The following ZNF484 variants were observed in gnomAD, a reference collection of about 807,000 sequenced individuals.
ZNF484 encodes KRAB box containing C2H2 type zinc finger bA526D8.4.
Under a neutral mutation model 12.9 loss-of-function variants are expected in ZNF484, and 11 were observed. That is an observed-to-expected ratio of 0.85 (90% CI 0.54 to 1.41). ZNF484 has a LOEUF of 1.41. ZNF484 is among the 40% of genes most tolerant of loss of function. The pLI is 0.00. For missense variants in ZNF484, 807 were observed against 1,007.7 expected (o/e 0.80, Z 2.70); for synonymous variants, 289 against 334.1 (o/e 0.86, Z 1.47).
intron 2 of ZNF484, among the ~76,000 whole-genome samples, chr9:92,870,838 C>G (rs1266128128): frequency 6.6e-6 from 1 of 152,112 alleles, no homozygotes; most frequent in African/African-American, 2.4e-5. Flanking sequence ...AACTGCCAAC[C>G]CCAACTAGCA....
intron 2 of ZNF484, among the ~76,000 whole-genome samples, chr9:92,856,881 C>G (rs749899718): frequency 2.0e-5 from 3 of 152,174 alleles, no homozygotes; most frequent in Non-Finnish European, 4.4e-5. Context: ...GCCACCACGC[C>G]CAGCTAATTT....
intron 2 of ZNF484, among the ~76,000 whole-genome samples, chr9:92,869,867 A>G (rs1857328323): frequency 6.6e-6 from 1 of 152,262 alleles, no homozygotes; most frequent in Non-Finnish European, 1.5e-5. Flanking sequence ...ACAAAGAACA[A>G]TTTGACTAAG....
intron 2 of ZNF484, among the ~76,000 whole-genome samples, chr9:92,861,390 A>G (rs1856772491): frequency 6.6e-6 from 1 of 152,216 alleles, no homozygotes; most frequent in South Asian, 2.1e-4. Flanking sequence ...AAGTGTTGCA[A>G]CAAGCAGCTG....
chr9:92,856,284 A>T lies in ZNF484; in HGVS notation c.50T>A (p.Phe17Tyr). The change falls in exon 3 of 5, where the codon TTC becomes TAC. Residue 17 changes from phenylalanine (F) to tyrosine (Y), a missense_variant. Transcript: ENST00000375495. ...TAATTGTTGCCACTCATCCCTACTGAAGTCTACAGTTACGTCCTTGAATGA... is the reference window on the plus strand; with the variant it reads ...TAATTGTTGCCACTCATCCCTACTGTAGTCTACAGTTACGTCCTTGAATGA... The part of the protein sequence containing the change: ...SVSFKDVTVD[F>Y]SRDEWQQLDL... 1 of 1,612,924 alleles carries T rather than the reference A, an allele frequency of 6.2e-7. No homozygotes were observed. Among genetic ancestry groups the T allele is most frequent in the Non-Finnish European group, 8.5e-7 (1 of 1,179,370 alleles).
rs140809115 is a variant in ZNF484, at chr9:92,846,352, G to C, written c.2435C>G (p.Ala812Gly). The C allele has an allele frequency of 2.1e-4, 347 of 1,614,110 alleles. 5 individuals carry two copies. In the East Asian group the frequency reaches 6.5e-3, roughly 30 times the overall value. The part of the protein sequence containing the change: ...KPYKCSDLGK[A>G]LNWKPQLSMP... ...ACTGAGTTGTGGCTTCCAGTTTAAG[G>C]CTTTCCCCAAGTCACTGCACTTATA... The change falls in exon 5 of 5, where the codon GCC becomes GGC. Residue 812 changes from alanine (A) to glycine (G), a missense_variant. Transcript: ENST00000375495.
intron 2 of ZNF484, among the ~76,000 whole-genome samples, chr9:92,861,610 T>C (rs1477928231): frequency 6.6e-6 from 1 of 152,064 alleles, no homozygotes; most frequent in East Asian, 1.9e-4. Context: ...AATTATCCAG[T>C]CTGAACAATA....
rs1209254083 is a variant in ZNF484 at position 92,848,925 on chromosome 9, ATAAAT to A, written c.236-379_236-375del. On this transcript the variant is annotated intron_variant, in intron 4 of 4. Transcript: ENST00000375495. The surrounding 1 kb of genome is among the most constrained non-coding windows in gnomAD (Gnocchi z 4.1). ...CTCTGTCTCCAAAATAAATAAATAA[ATAAAT>A]AAATAAATAAATAAATAAATAAATA... Among the ~76,000 whole-genome samples the A allele has an allele frequency of 6.7e-6, 1 of 149,360 alleles. No homozygotes were observed. Among genetic ancestry groups the A allele is most frequent in the Non-Finnish European group, 1.5e-5 (1 of 67,498 alleles).
At position 92,854,209 on chromosome 9, in the gene ZNF484, A is replaced by C. The variant is rs78559612; in HGVS notation, c.235+1602T>G. ...TTATTAGGGAAATACAAATTAAATA[A>C]TAATTAGAAATTAAAACCCATCAGA... On this transcript the variant is annotated intron_variant, in intron 4 of 4. Coordinates refer to ENST00000375495, the MANE Select transcript of ZNF484 (RefSeq NM_031486.4). Among the ~76,000 whole-genome samples, 1,394 of 152,338 alleles carry C rather than the reference A, an allele frequency of 9.2e-3. 15 individuals are homozygous for C. The highest frequency in any genetic ancestry group is 0.025 in the South Asian group (122 of 4,824).
intron 2 of ZNF484, among the ~76,000 whole-genome samples, chr9:92,864,054 G>C (rs763228818): frequency 1.3e-5 from 2 of 152,162 alleles, no homozygotes; most frequent in African/African-American, 2.4e-5. Flanking sequence ...TGAATGCCAA[G>C]ATGGATGAAA....
At chr9:92,863,213 C>A (rs960453935) in intron 2 of ZNF484, among the ~76,000 whole-genome samples, 1 of 142,600 alleles carries the variant, frequency 7.0e-6, no homozygotes, top group Non-Finnish European at 1.5e-5. Flanking sequence ...GGGAGCTGAA[C>A]AATGTGAACA....
rs1289087957 is a variant in ZNF484 at position 92,848,921 on chromosome 9, A to G, written c.236-370T>C. On this transcript the variant is annotated intron_variant, in intron 4 of 4. Coordinates refer to ENST00000375495, the MANE Select transcript of ZNF484 (RefSeq NM_031486.4). The surrounding 1 kb of genome is among the most constrained non-coding windows in gnomAD (Gnocchi z 4.1). ...AAGACTCTGTCTCCAAAATAAATAA[A>G]TAAATAAATAAATAAATAAATAAAT... Among the ~76,000 whole-genome samples the G allele has an allele frequency of 6.8e-6, 1 of 147,956 alleles. No homozygotes were observed. Among genetic ancestry groups the G allele is most frequent in the African/African-American group, 2.5e-5 (1 of 39,330 alleles).
chr9:92,868,120 CT>C (rs1166605741), intron 2 of ZNF484, among the ~76,000 whole-genome samples: 8 of 152,182 alleles, frequency 5.3e-5, no homozygotes, highest in South Asian at 2.1e-4. Context: ...AAAATAGGTC[CT>C]GCTGGGCTGC....
chr9:92,860,758 GC>G (rs1217638761), intron 2 of ZNF484, among the ~76,000 whole-genome samples: 6 of 152,176 alleles, frequency 3.9e-5, no homozygotes, highest in Admixed American at 3.3e-4. Context: ...AACTGCATTA[GC>G]TCAAAGAGAG....
chr9:92,846,419 T>G lies in ZNF484; in HGVS notation c.2368A>C (p.Asn790His). ...TGAATTTTCTGGTGTTTAATAAGAT[T>G]TGATCTGATGGTGAAGGCCTTTCCA... ...ECGKAFTIRS[N>H]LIKHQKIHTK... is the part of the protein sequence containing the mutation. Residue 790 changes from asparagine (N) to histidine (H), a missense_variant, in exon 5 of 5, where the codon AAT (asparagine) becomes CAT (histidine). By Grantham distance (68) the Asn-to-His change is moderately conservative. Coordinates refer to ENST00000375495, the MANE Select transcript of ZNF484 (RefSeq NM_031486.4). The G allele has an allele frequency of 6.2e-7, 1 of 1,614,146 alleles. No individual in the cohort carries two copies. Among genetic ancestry groups the G allele is most frequent in the Non-Finnish European group, 8.5e-7 (1 of 1,180,004 alleles).
At chr9:92,853,301 G>A (rs1856222297) in intron 4 of ZNF484, among the ~76,000 whole-genome samples, 1 of 152,214 alleles carries the variant, frequency 6.6e-6, no homozygotes, top group South Asian at 2.1e-4. Context: ...TATCTGAGAA[G>A]ATGGATTAGA....
In ZNF484 at chr9:92,847,039, G is replaced by A; in HGVS notation, c.1748C>T (p.Thr583Ile). Reference sequence around the variant, plus strand: ...GTGGAAGAAGGCCTTACCACATTCAGTGCAAACATATGGTTTTTCCCCTCT... The same window carrying A: ...GTGGAAGAAGGCCTTACCACATTCAATGCAAACATATGGTTTTTCCCCTCT... ...IHRGEKPYVCTECGKAFFHKS... is the reference protein window; with the variant it reads ...IHRGEKPYVCIECGKAFFHKS... Residue 583 changes from threonine to isoleucine, a missense_variant, in exon 5 of 5, where the codon ACT becomes ATT. By Grantham distance (89) the Thr-to-Ile change is moderately conservative. Coordinates refer to ENST00000375495, the MANE Select transcript of ZNF484 (RefSeq NM_031486.4). 6.2e-7 allele frequency: 1 copy of A among 1,613,942 alleles called. No homozygotes were observed. Among genetic ancestry groups the A allele is most frequent in the Non-Finnish European group, 8.5e-7 (1 of 1,179,964 alleles).
At position 92,848,224 on chromosome 9, in the gene ZNF484, A is replaced by G. The variant is rs748168763; in HGVS notation, c.563T>C (p.Ile188Thr). ...CNSCGKNLEP[I>T]ITLYNRNNAT... Reference sequence around the variant, plus strand: ...ATTGTTTCTATTATATAAGGTTATGATAGGCTCCAAATTCTTTCCACACGA... The same window carrying G: ...ATTGTTTCTATTATATAAGGTTATGGTAGGCTCCAAATTCTTTCCACACGA... The change falls in exon 5 of 5, where the codon ATC (isoleucine) becomes ACC (threonine). Residue 188 changes from isoleucine (I) to threonine (T), a missense_variant. By Grantham distance (89) the Ile-to-Thr change is moderately conservative (BLOSUM62 -1). Transcript: ENST00000375495. This position sits in a 1 kb window ranked among gnomAD's most constrained non-coding sequence, Gnocchi z 4.1. The G allele has an allele frequency of 1.9e-6, 3 of 1,614,186 alleles. No individual in the cohort carries two copies. Among genetic ancestry groups the G allele is most frequent in the Non-Finnish European group, 2.5e-6 (3 of 1,180,036 alleles).
Position 92,846,714 on chromosome 9 carries a change from A to G in ZNF484, c.2073T>C (p.His691=). The change falls in exon 5 of 5, where the codon CAT becomes CAC. Residue 691 remains histidine (H), a synonymous_variant. Transcript: ENST00000375495. ...CTTTCCCACATTCACTGCACTCATA[A>G]TGCCTTTCTCCAGTATGGGATTGCT... The part of the protein sequence containing the change: ...IHQQSHTGER[H]YECSECGKAF... The G allele has an allele frequency of 1.2e-6, 2 of 1,613,854 alleles. No homozygotes were observed. The highest frequency in any genetic ancestry group is 8.5e-7 in the Non-Finnish European group (1 of 1,179,972).
intron 2 of ZNF484, among the ~76,000 whole-genome samples, chr9:92,861,365 A>G (rs758914524): frequency 2.0e-5 from 3 of 152,258 alleles, no homozygotes; most frequent in Non-Finnish European, 4.4e-5. Flanking sequence ...ACAAGGATTT[A>G]AAGTAGCTAA....
Sources: allele counts gnomAD v4.1 joint callset (sites outside exome capture counted in the v4.1 genomes callset), GRCh38; gene constraint gnomAD v4.1.1; non-coding constraint Gnocchi (gnomAD v3.1); transcripts MANE v1.5; gene names NCBI Gene and HGNC (gene_info 2026-07-23, HGNC 2026-07-21).